The following NKAIN2 variants were observed in gnomAD, a reference collection of about 807,000 sequenced individuals.
NKAIN2 encodes the protein sodium/potassium-transporting ATPase subunit beta-1-interacting protein 2.
In NKAIN2, 14 loss-of-function variants were observed where a neutral mutation model predicts 32.6. The observed-to-expected ratio is 0.43, with a 90% CI of 0.28 to 0.67. NKAIN2 has a LOEUF of 0.67. Among genes scored for constraint, NKAIN2 ranks in the 30% least tolerant of loss-of-function variants. The probability of loss-of-function intolerance (pLI) is 0.17; values close to 1 mark genes in which losing one functional copy is unlikely to be tolerated. For missense variants in NKAIN2, 198 were observed against 258.3 expected (o/e 0.77, Z 1.60); for synonymous variants, 80 against 87.2 (o/e 0.92, Z 0.46).
At chr6:124,565,715 A>G (rs1780885312) in intron 3 of NKAIN2, among the ~76,000 whole-genome samples, 1 of 152,164 alleles carries the variant, frequency 6.6e-6, no homozygotes, top group Non-Finnish European at 1.5e-5. Context: ...AGTAACCAAT[A>G]AAGAAATCTG....
chr6:124,446,681 A>G (rs1775907398), intron 3 of NKAIN2, among the ~76,000 whole-genome samples: 1 of 152,046 alleles, frequency 6.6e-6, no homozygotes, highest in Non-Finnish European at 1.5e-5. Context: ...AAAACATCAG[A>G]TGATATATAT....
intron 3 of NKAIN2, among the ~76,000 whole-genome samples, chr6:124,486,981 C>T (rs1348998301): frequency 6.6e-6 from 1 of 151,976 alleles, no homozygotes; most frequent in East Asian, 1.9e-4. Flanking sequence ...ACAGTTGGCT[C>T]GAGACTGGGT....
chr6:124,165,527 T>C (rs1788487837), intron 1 of NKAIN2, among the ~76,000 whole-genome samples: 2 of 152,130 alleles, frequency 1.3e-5, no homozygotes, highest in Admixed American at 1.3e-4. Context: ...TATTTTATTA[T>C]TATTATACTT....
intron 4 of NKAIN2, among the ~76,000 whole-genome samples, chr6:124,767,532 T>G (rs1778564612): frequency 6.6e-6 from 1 of 152,162 alleles, no homozygotes; most frequent in South Asian, 2.1e-4. Flanking sequence ...AACTCCAAAT[T>G]TTCTTATCTC....
At chr6:124,126,325 T>C (rs930187521) in intron 1 of NKAIN2, among the ~76,000 whole-genome samples, 2 of 152,218 alleles carry the variant, frequency 1.3e-5, no homozygotes, top group African/African-American at 4.8e-5. Flanking sequence ...TCCATTGTAT[T>C]TCCTACTTAT....
At chr6:124,606,178 A>G (rs1782490291) in intron 3 of NKAIN2, among the ~76,000 whole-genome samples, 1 of 151,894 alleles carries the variant, frequency 6.6e-6, no homozygotes, top group Non-Finnish European at 1.5e-5. Flanking sequence ...CTCACCTCTC[A>G]CAATTCTGTA....
chr6:124,621,190 T>G lies in NKAIN2; in HGVS notation c.274-36996T>G, dbSNP rs570693102. Among the ~76,000 whole-genome samples the G allele has an allele frequency of 3.3e-4, 50 of 152,186 alleles. 1 individual carries two copies. In the South Asian group the frequency reaches 9.2e-3, roughly 28 times the overall value. On this transcript the variant is annotated intron_variant, in intron 3 of 6. Coordinates refer to ENST00000368417, the MANE Select transcript of NKAIN2 (RefSeq NM_001040214.3). ...AGGTAATTCTAACATGTATCCAAGG[T>G]AGAAAAACCACTACTCTAAGGCAAT... is the stretch of plus-strand genomic sequence containing the variant.
chr6:124,629,876 T>C (rs1783496251), intron 3 of NKAIN2, among the ~76,000 whole-genome samples: 1 of 139,576 alleles, frequency 7.2e-6, no homozygotes. Flanking sequence ...ATCCAAGAGA[T>C]ACTTATGCTA....
At chr6:124,196,778 A>C (rs936679936) in intron 1 of NKAIN2, among the ~76,000 whole-genome samples, 1 of 152,048 alleles carries the variant, frequency 6.6e-6, no homozygotes, top group African/African-American at 2.4e-5. Flanking sequence ...AAAACATAAT[A>C]TATTTGTATC....
intron 3 of NKAIN2, among the ~76,000 whole-genome samples, chr6:124,578,442 C>G (rs1044896012): frequency 1.3e-5 from 2 of 151,808 alleles, no homozygotes; most frequent in Non-Finnish European, 2.9e-5. Context: ...GCAGTACTTG[C>G]TATGGGCCTG....
chr6:123,806,015 A>G (rs1231790540), intron 1 of NKAIN2, among the ~76,000 whole-genome samples: 1 of 152,156 alleles, frequency 6.6e-6, no homozygotes, highest in Non-Finnish European at 1.5e-5. Context: ...ACATAAATAT[A>G]CCAGTAGGGA....
chr6:123,877,530 T>G (rs1011554564), intron 1 of NKAIN2, among the ~76,000 whole-genome samples: 11 of 152,238 alleles, frequency 7.2e-5, no homozygotes, highest in African/African-American at 2.7e-4. Flanking sequence ...CAAGCATTAC[T>G]ATGTTGAGAA....
chr6:124,150,569 A>G (rs957962085), intron 1 of NKAIN2, among the ~76,000 whole-genome samples: 3 of 152,120 alleles, frequency 2.0e-5, no homozygotes, highest in Admixed American at 6.6e-5. Flanking sequence ...ATGAATTACA[A>G]TTTATTTAAC....
At chr6:124,164,855 A>G (rs916076045) in intron 1 of NKAIN2, among the ~76,000 whole-genome samples, 3 of 152,056 alleles carry the variant, frequency 2.0e-5, no homozygotes, top group African/African-American at 7.2e-5. Context: ...AACAATGTGC[A>G]TCTTATGTGC....
intron 1 of NKAIN2, among the ~76,000 whole-genome samples, chr6:123,974,021 G>GA (rs957536192): frequency 4.6e-5 from 7 of 152,080 alleles, no homozygotes; most frequent in African/African-American, 1.7e-4. Context: ...ATTTTAAGAA[G>GA]AAAGAAAAGT....
At chr6:124,257,076 T>C (rs1183612419) in intron 1 of NKAIN2, among the ~76,000 whole-genome samples, 1 of 152,016 alleles carries the variant, frequency 6.6e-6, no homozygotes, top group Non-Finnish European at 1.5e-5. Context: ...TTATTTTTTT[T>C]TCACTAGAGG....
chr6:124,288,704 T>G (rs1028569), intron 2 of NKAIN2, among the ~76,000 whole-genome samples: 40,287 of 152,012 alleles, frequency 0.27, 6,826 homozygotes, highest in African/African-American at 0.48. Context: ...TCCATTATAA[T>G]TATATGTTAA....
At position 124,400,459 on chromosome 6, in the gene NKAIN2, A is replaced by G. The variant is rs371198896; in HGVS notation, c.273+45112A>G. 3.9e-5 allele frequency among the ~76,000 whole-genome samples: 6 copies of G among 152,152 alleles called. No homozygotes were observed. In the East Asian group the frequency reaches 7.8e-4, roughly 20 times the overall value. ...CTGGATTCTATCTATATATTTTTTT[A>G]ATTTGTAAGGTTCTGTTACTTGGCT... On this transcript the variant is annotated intron_variant, in intron 3 of 6. Coordinates refer to ENST00000368417, the MANE Select transcript of NKAIN2 (RefSeq NM_001040214.3).
chr6:123,907,975 C>T lies in NKAIN2; in HGVS notation c.54+103721C>T, dbSNP rs973729406. Among the ~76,000 whole-genome samples, 7 of 152,192 alleles carry T rather than the reference C, an allele frequency of 4.6e-5. No homozygotes were observed. The East Asian group carries it at 1.4e-3, about 29-fold the overall frequency. On this transcript the variant is annotated intron_variant, in intron 1 of 6. Transcript: ENST00000368417. ...CTGTTTTACTCAGACCAAATTTATG[C>T]CCTGTATTTTGTTGCCATGTATTCA...
Sources: allele counts gnomAD v4.1 joint callset (sites outside exome capture counted in the v4.1 genomes callset), GRCh38; gene constraint gnomAD v4.1.1; transcripts MANE v1.5; gene names NCBI Gene and HGNC (gene_info 2026-07-23, HGNC 2026-07-21).